The following SCHIP1 variants were observed in gnomAD, a reference collection of about 807,000 sequenced individuals.
SCHIP1 encodes the protein schwannomin-interacting protein 1.
A neutral mutation model predicts 29.7 loss-of-function variants in SCHIP1; 8 were observed. That is an observed-to-expected ratio of 0.27 (90% confidence interval 0.16 to 0.49). The LOEUF (loss-of-function observed/expected upper bound fraction) is 0.49, where lower values mean the gene tolerates loss of function less well. Ranked by LOEUF, SCHIP1 falls within the 20% of genes least tolerant of loss-of-function variation. The pLI, the probability that SCHIP1 is intolerant of heterozygous loss-of-function variation, is 0.99. For synonymous variants in SCHIP1, 76 were observed against 94.9 expected (o/e 0.80, Z 1.16); for missense variants, 193 against 294.6 (o/e 0.66, Z 2.52).
At chr3:159,625,212 CCTATGGCCTCA>C in the SCHIP1 span, among the ~76,000 whole-genome samples, 1 of 152,148 alleles carries the variant, frequency 6.6e-6, no homozygotes, top group Non-Finnish European at 1.5e-5. Context: ...ACTTCCTAAC[CCTATGGCCTCA>C]CTTTGAATCT....
chr3:159,385,575 CAAAAAAAAAA>C, the SCHIP1 span, among the ~76,000 whole-genome samples: 6 of 133,152 alleles, frequency 4.5e-5, no homozygotes, highest in Non-Finnish European at 9.5e-5. Flanking sequence ...AACAAACAAA[CAAAAAAAAAA>C]AAACCAAAAA....
chr3:159,716,827 C>T, the SCHIP1 span, among the ~76,000 whole-genome samples: 24 of 152,158 alleles, frequency 1.6e-4, no homozygotes, highest in African/African-American at 5.6e-4. Flanking sequence ...TTAGACAGAT[C>T]AACGAGACAG....
At chr3:159,777,001 C>T in the SCHIP1 span, among the ~76,000 whole-genome samples, 2 of 152,086 alleles carry the variant, frequency 1.3e-5, no homozygotes, top group African/African-American at 2.4e-5. Context: ...TGTCACTTGC[C>T]GCCTGACTTC....
chr3:159,394,161 T>A, the SCHIP1 span, among the ~76,000 whole-genome samples: 2 of 149,512 alleles, frequency 1.3e-5, no homozygotes, highest in African/African-American at 2.5e-5. Context: ...TGTACATTGA[T>A]TTTGTATCCT....
chr3:159,477,813 A>G, the SCHIP1 span, among the ~76,000 whole-genome samples: 2 of 151,772 alleles, frequency 1.3e-5, no homozygotes, highest in African/African-American at 4.8e-5. Flanking sequence ...TGCCTTTGTC[A>G]TCAATGCTTC....
the SCHIP1 span, among the ~76,000 whole-genome samples, chr3:159,724,112 T>C: frequency 2.0e-5 from 3 of 152,236 alleles, no homozygotes; most frequent in African/African-American, 7.2e-5. Context: ...TTAAGTTGCA[T>C]ATCTATGATT....
the SCHIP1 span, among the ~76,000 whole-genome samples, chr3:159,750,931 T>G: frequency 6.6e-6 from 1 of 152,210 alleles, no homozygotes; most frequent in Non-Finnish European, 1.5e-5. Flanking sequence ...GCTTTTACTT[T>G]TCTAGGTTAA....
chr3:159,394,823 G>A, the SCHIP1 span, among the ~76,000 whole-genome samples: 1 of 151,998 alleles, frequency 6.6e-6, no homozygotes, highest in Non-Finnish European at 1.5e-5. Flanking sequence ...AATGATGCTG[G>A]CCTCATAAAA....
the SCHIP1 span, among the ~76,000 whole-genome samples, chr3:159,384,055 G>C: frequency 9.5e-4 from 143 of 150,722 alleles, no homozygotes; most frequent in African/African-American, 2.4e-3. Context: ...CATCTGCAAA[G>C]AGGGACAATT....
chr3:159,699,133 C>T, the SCHIP1 span, among the ~76,000 whole-genome samples: 1 of 152,196 alleles, frequency 6.6e-6, no homozygotes, highest in Non-Finnish European at 1.5e-5. Flanking sequence ...AGGAACATAG[C>T]ATGAGTATGG....
the SCHIP1 span, among the ~76,000 whole-genome samples, chr3:159,649,881 C>T: frequency 6.6e-6 from 1 of 152,038 alleles, no homozygotes; most frequent in Non-Finnish European, 1.5e-5. Context: ...ATCCTGTGCC[C>T]CTAACACAAT....
At chr3:159,627,997 T>C in the SCHIP1 span, among the ~76,000 whole-genome samples, 2 of 152,172 alleles carry the variant, frequency 1.3e-5, no homozygotes, top group Non-Finnish European at 2.9e-5. Context: ...TCCTAAGAAA[T>C]AAATTAATGC....
chr3:159,660,655 C>T, the SCHIP1 span, among the ~76,000 whole-genome samples: 4 of 151,930 alleles, frequency 2.6e-5, no homozygotes, highest in Non-Finnish European at 5.9e-5. Flanking sequence ...GCTCAAGGCT[C>T]GAATTAATAA....
chr3:159,668,126 T>C, the SCHIP1 span, among the ~76,000 whole-genome samples: 3 of 151,954 alleles, frequency 2.0e-5, no homozygotes, highest in Non-Finnish European at 4.4e-5. Context: ...TCCCAGCACT[T>C]TGGGAGGCTG....
chr3:159,707,142 G>C, the SCHIP1 span, among the ~76,000 whole-genome samples: 1 of 152,296 alleles, frequency 6.6e-6, no homozygotes, highest in Admixed American at 6.5e-5. Context: ...GGGTATACCT[G>C]GGCAGGAATG....
At chr3:159,826,827 G>T in the SCHIP1 span, among the ~76,000 whole-genome samples, 2 of 152,196 alleles carry the variant, frequency 1.3e-5, no homozygotes, top group Non-Finnish European at 2.9e-5. Flanking sequence ...GACTCTCTTT[G>T]CTATTCACCA....
the SCHIP1 span, among the ~76,000 whole-genome samples, chr3:159,790,284 T>G: frequency 6.6e-6 from 1 of 152,266 alleles, no homozygotes; most frequent in Non-Finnish European, 1.5e-5. Flanking sequence ...TAACTTATAC[T>G]GTTTTTATGA....
the SCHIP1 span, among the ~76,000 whole-genome samples, chr3:159,684,251 A>C: frequency 5.9e-5 from 9 of 152,152 alleles, no homozygotes; most frequent in African/African-American, 2.2e-4. Flanking sequence ...CAAACTAGCC[A>C]GTCCTAAACT....
chr3:159,410,746 C>A, the SCHIP1 span, among the ~76,000 whole-genome samples: 1 of 152,010 alleles, frequency 6.6e-6, no homozygotes, highest in Non-Finnish European at 1.5e-5. Flanking sequence ...AATAGAGCTA[C>A]CATATGATCC....
Sources: allele counts gnomAD v4.1 joint callset (sites outside exome capture counted in the v4.1 genomes callset), GRCh38; gene constraint gnomAD v4.1.1; transcripts MANE v1.5; gene names NCBI Gene and HGNC (gene_info 2026-07-23, HGNC 2026-07-21).